PRAG1: variants seen among roughly 807,000 people sequenced by gnomAD.
The protein encoded by PRAG1 is inactive tyrosine-protein kinase PRAG1.
PRAG1 carries 110 observed loss-of-function variants against 95.6 expected under a neutral mutation model. That is an observed-to-expected ratio of 1.15 (90% confidence interval 0.99 to 1.35). The LOEUF (loss-of-function observed/expected upper bound fraction) is 1.35, where lower values mean the gene tolerates loss of function less well. Ranked by LOEUF, PRAG1 falls within the 40% of genes most tolerant of loss-of-function variation. The pLI is 0.00. For synonymous variants in PRAG1, 1,052 were observed against 819.4 expected, an observed-to-expected ratio of 1.28 and a Z score of -4.85; for missense variants, 2,554 against 1,864.7, an observed-to-expected ratio of 1.37 and a Z score of -6.81.
At chr8:8,365,144 T>C (rs1232754498) in intron 3 of PRAG1, among the ~76,000 whole-genome samples, 1 of 152,174 alleles carries the variant, frequency 6.6e-6, no homozygotes, top group African/African-American at 2.4e-5. Flanking sequence ...TGGTCTGTCT[T>C]TTCACCAGTG....
rs1280022207 is a variant in PRAG1, at chr8:8,377,607, C to T, written c.802G>A (p.Ala268Thr). ...CGGGAACCTGCAGTCTGGGAGGCAG[C>T]CTTGGCAACAGGGCTCCCAGGGCAG... Reference protein sequence around the residue: ...DCCPGSPVAKAASQTAGSRGR... With the variant: ...DCCPGSPVAKTASQTAGSRGR... The change falls in exon 3 of 6, where the codon GCT becomes ACT. Residue 268 changes from alanine (A) to threonine (T), a missense_variant. Ala to Thr is a moderately conservative substitution (Grantham distance 58). Coordinates refer to ENST00000615670, the MANE Select transcript of PRAG1 (RefSeq NM_001080826.3). 1.2e-6 allele frequency: 2 copies of T among 1,613,148 alleles called. No homozygotes were observed. The highest frequency in any genetic ancestry group is 1.7e-6 in the Non-Finnish European group (2 of 1,179,902).
At chr8:8,336,919 C>G (rs1022035154) in intron 4 of PRAG1, among the ~76,000 whole-genome samples, 1 of 146,866 alleles carries the variant, frequency 6.8e-6, no homozygotes, top group South Asian at 2.3e-4. Flanking sequence ...CCCCCCTCCC[C>G]CCACCTCCGA....
At chr8:8,340,262 T>C (rs1325739365) in intron 3 of PRAG1, among the ~76,000 whole-genome samples, 1 of 152,240 alleles carries the variant, frequency 6.6e-6, no homozygotes, top group Non-Finnish European at 1.5e-5. Flanking sequence ...TTCTGTGAAA[T>C]CTTTTGTTGC....
Position 8,376,305 on chromosome 8 carries a change from G to A in PRAG1, c.2104C>T (p.Pro702Ser). Reference sequence around the variant, plus strand: ...GTCTCAATCCCACTTCTGTCCTTGGGGAACTCAAAGGCAAAAGAGGCGGAT... The same window carrying A: ...GTCTCAATCCCACTTCTGTCCTTGGAGAACTCAAAGGCAAAAGAGGCGGAT... ...SKSASFAFEF[P>S]KDRSGIETFS... Residue 702 changes from proline (P) to serine (S), a missense_variant, in exon 3 of 6, where the codon CCC (proline) becomes TCC (serine). Coordinates refer to ENST00000615670, the MANE Select transcript of PRAG1 (RefSeq NM_001080826.3). 6.2e-7 allele frequency: 1 copy of A among 1,614,182 alleles called. No homozygotes were observed. The highest frequency in any genetic ancestry group is 8.5e-7 in the Non-Finnish European group (1 of 1,180,042).
Position 8,319,117 on chromosome 8 carries a change from G to A in PRAG1, c.3258C>T (p.Asp1086=), listed in dbSNP as rs1229565745. 1.2e-6 allele frequency: 2 copies of A among 1,607,674 alleles called. No individual in the cohort carries two copies. The highest frequency in any genetic ancestry group is 2.2e-5 in the South Asian group (2 of 90,788). The change falls in exon 6 of 6, where the codon GAC becomes GAT. Residue 1086 remains aspartate (D), a synonymous_variant. Coordinates refer to ENST00000615670, the MANE Select transcript of PRAG1 (RefSeq NM_001080826.3). ...CCTCTCGGGTGATGACCACCACGCA[G>A]TCCTGCTCCTGGGCAGGGGGGTGTG... ...LPTHPPAQEQ[D]CVVVITREVP... is the part of the protein sequence containing the mutation.
chr8:8,353,976 A>C (rs1470455366), intron 3 of PRAG1, among the ~76,000 whole-genome samples: 3 of 151,966 alleles, frequency 2.0e-5, no homozygotes, highest in Non-Finnish European at 4.4e-5. Context: ...CACATAAGGA[A>C]AAAAAAAGTC....
At chr8:8,339,406 C>G (rs934257104) in intron 4 of PRAG1, 72 bp downstream of exon 4, 2 of 1,509,668 alleles carry the variant, frequency 1.3e-6, no homozygotes, top group African/African-American at 2.8e-5. Flanking sequence ...CTTCCAATCC[C>G]GCAAGCAACG....
intron 3 of PRAG1, among the ~76,000 whole-genome samples, chr8:8,366,638 C>T (rs1800017271): frequency 6.6e-6 from 1 of 151,772 alleles, no homozygotes; most frequent in African/African-American, 2.4e-5. Context: ...TCTTGAATTA[C>T]TAACAAAAAT....
chr8:8,323,321 CTT>C (rs36045122), intron 5 of PRAG1, among the ~76,000 whole-genome samples: 9 of 138,000 alleles, frequency 6.5e-5, no homozygotes, highest in Admixed American at 2.2e-4. Context: ...TTTTCCCTCC[CTT>C]TTTTTTTTTT....
chr8:8,331,060 A>G (rs2976917), intron 4 of PRAG1, among the ~76,000 whole-genome samples: 32,870 of 151,914 alleles, frequency 0.22, 4,001 homozygotes, highest in African/African-American at 0.33. Context: ...TCATCAACAC[A>G]ACAGAAGCTG....
At chr8:8,372,314 C>G (rs1382667029) in intron 3 of PRAG1, among the ~76,000 whole-genome samples, 2 of 152,228 alleles carry the variant, frequency 1.3e-5, no homozygotes, top group Non-Finnish European at 2.9e-5. Context: ...GCCACCATGC[C>G]TGGCCAAATT....
At chr8:8,381,963 T>C (rs951115253) in intron 1 of PRAG1, 129 bp from the exon 2 acceptor site, 1 of 490,272 alleles carries the variant, frequency 2.0e-6, no homozygotes, top group East Asian at 3.3e-5. Context: ...ATCCCATTTA[T>C]TTTGGGACCC....
chr8:8,377,080 G>C lies in PRAG1; in HGVS notation c.1329C>G (p.Gly443=). The C allele has an allele frequency of 2.5e-6, 4 of 1,613,914 alleles. No individual in the cohort carries two copies. In the South Asian group the frequency reaches 4.4e-5, roughly 18 times the overall value. Residue 443 remains glycine (G), a synonymous_variant, in exon 3 of 6, where the codon GGC becomes GGG. Coordinates refer to ENST00000615670, the MANE Select transcript of PRAG1 (RefSeq NM_001080826.3). ...CCCAGGCATTACCTGTGCATACCTG[G>C]CCTTGGCCCTGGGCAGCAGCTGCAT... ...IEHAAAAQGQ[G]QVCTGNAWAQ... is the part of the protein sequence containing the mutation.
At chr8:8,329,071 A>C (rs931492927) in intron 4 of PRAG1, among the ~76,000 whole-genome samples, 1 of 152,134 alleles carries the variant, frequency 6.6e-6, no homozygotes, top group Non-Finnish European at 1.5e-5. Context: ...AGTCAGGTTT[A>C]TAGAGGGTGT....
chr8:8,322,999 C>T (rs776678321), intron 5 of PRAG1, among the ~76,000 whole-genome samples: 54 of 152,280 alleles, frequency 3.5e-4, no homozygotes, highest in Non-Finnish European at 6.2e-4. Flanking sequence ...CAGAATAAAT[C>T]TAATATTTTA....
intron 5 of PRAG1, among the ~76,000 whole-genome samples, chr8:8,320,225 T>A: frequency 6.6e-6 from 1 of 151,944 alleles, no homozygotes; most frequent in East Asian, 1.9e-4. Context: ...TCAAGGTGAG[T>A]CACAGCAGCT....
At position 8,376,811 on chromosome 8, in the gene PRAG1, G is replaced by A. The variant is rs199552530; in HGVS notation, c.1598C>T (p.Ala533Val). 104 of 1,611,880 alleles carry A rather than the reference G, an allele frequency of 6.5e-5. 2 individuals carry two copies. The Middle Eastern group carries it at 2.5e-3, about 38-fold the overall frequency. ...LSSRESHAHSASESKPKERPA... is the reference protein window; with the variant it reads ...LSSRESHAHSVSESKPKERPA... ...CCTCTCCTTGGGCTTGCTCTCGCTG[G>A]CACTGTGAGCATGGCTTTCCCTGGA... The change falls in exon 3 of 6, where the codon GCC becomes GTC. Residue 533 changes from alanine to valine, a missense_variant. Physicochemically the swap from Ala to Val is moderately conservative, Grantham distance 64 (BLOSUM62 0). Coordinates refer to ENST00000615670, the MANE Select transcript of PRAG1 (RefSeq NM_001080826.3).
chr8:8,318,845 G>C lies in PRAG1; in HGVS notation c.3530C>G (p.Ala1177Gly), dbSNP rs1295248927. The stretch of plus-strand genomic sequence containing the variant: ...GGCGGCAGAGGAGCAGGGAGGCGCG[G>C]CGGCGGCGGGGGCGGGAGCCGGGGC... ...APAPAPAPAA[A>G]APPCSSAAPP... is the part of the protein sequence containing the mutation. The change falls in exon 6 of 6, where the codon GCC becomes GGC. Residue 1177 changes from alanine to glycine, a missense_variant. By Grantham distance (60) the Ala-to-Gly change is moderately conservative (BLOSUM62 0). Transcript: ENST00000615670. The surrounding 1 kb of genome is among the most constrained non-coding windows in gnomAD (Gnocchi z 4.2). 3.9e-6 allele frequency: 5 copies of C among 1,269,984 alleles called. No homozygotes were observed. The highest frequency in any genetic ancestry group is 8.9e-5 in the Admixed American group (2 of 22,500). 78.7% of individuals were successfully genotyped at this position (1,269,984 alleles called of 1,614,324 possible). A position where few individuals can be genotyped will look rare whatever the true frequency, so the allele number is the denominator to read the frequency against.
chr8:8,383,284 G>T (rs953225372), intron 1 of PRAG1, among the ~76,000 whole-genome samples: 1 of 152,300 alleles, frequency 6.6e-6, no homozygotes, highest in South Asian at 2.1e-4. Context: ...TGAAAAATGG[G>T]TTGAGGCCAG....
Sources: gnomAD v4.1 joint callset for allele counts (sites outside exome capture counted in the v4.1 genomes callset) on GRCh38, gnomAD v4.1.1 for gene constraint, Gnocchi (gnomAD v3.1) non-coding constraint, MANE v1.5 for transcripts, NCBI Gene and HGNC (gene_info 2026-07-23, HGNC 2026-07-21) for gene names.